DMD: variants seen among roughly 807,000 people sequenced by gnomAD.
DMD encodes the protein dystrophin, also known as mutant dystrophin.
In DMD, 63 loss-of-function variants were observed where a neutral mutation model predicts 330.1. The observed-to-expected ratio is 0.19, with a 90% confidence interval of 0.16 to 0.24. DMD has a LOEUF of 0.24. Ranked by LOEUF, DMD falls within the 10% of genes least tolerant of loss-of-function variation. The probability of loss-of-function intolerance (pLI) is 1.00; values close to 1 mark genes in which losing one functional copy is unlikely to be tolerated. For missense variants in DMD, 3,344 were observed against 2,684.1 expected (o/e 1.25, Z -5.43); for synonymous variants, 1,223 against 959.8 (o/e 1.27, Z -5.07).
Position 31,341,279 on chromosome X carries a change from G to A in DMD, c.9163+7277C>T, listed in dbSNP as rs752968112. On this transcript the variant is annotated intron_variant, in intron 61 of 78. Coordinates refer to ENST00000357033, the MANE Select transcript of DMD (RefSeq NM_004006.3). Reference sequence around the variant, plus strand: ...TGAAATAATACAGCCATATTTCACCGAATTCAATATCCCATTGGTCGTATG... The same window carrying A: ...TGAAATAATACAGCCATATTTCACCAAATTCAATATCCCATTGGTCGTATG... 1.3e-4 allele frequency among the ~76,000 whole-genome samples: 14 copies of A among 111,917 alleles called. No homozygotes were observed. The Admixed American group carries it at 1.3e-3, about 11-fold the overall frequency.
chrX:33,274,131 C>T (rs1158047496), intron 1 of DMD, among the ~76,000 whole-genome samples: 2 of 111,879 alleles, frequency 1.8e-5, no homozygotes, highest in African/African-American at 6.5e-5. Flanking sequence ...TGTCATCTCC[C>T]TATTACTGGA....
intron 55 of DMD, among the ~76,000 whole-genome samples, chrX:31,612,247 G>A (rs1435179643): frequency 9.0e-6 from 1 of 111,308 alleles, no homozygotes; most frequent in African/African-American, 3.3e-5. Context: ...TTTTGTGTCT[G>A]GTTTATTTCA....
At chrX:31,801,580 TCCC>T (rs761209143) in intron 50 of DMD, among the ~76,000 whole-genome samples, 1 of 64,660 alleles carries the variant, frequency 1.5e-5, no homozygotes, top group Non-Finnish European at 3.0e-5. Context: ...AGTGTCCTCA[TCCC>T]CCCCCCCCAA....
At chrX:32,716,363 C>A (rs1020010772) in intron 7 of DMD, among the ~76,000 whole-genome samples, 29 of 110,497 alleles carry the variant, frequency 2.6e-4, no homozygotes, top group Non-Finnish European at 4.7e-4. Flanking sequence ...GCTTTCTCCT[C>A]CTTCTCTGGC....
intron 44 of DMD, among the ~76,000 whole-genome samples, chrX:32,205,037 A>ACACACACC (rs1569550753): frequency 4.6e-5 from 4 of 87,344 alleles, no homozygotes; most frequent in Admixed American, 2.6e-4. Context: ...ACACACACAC[A>ACACACACC]CACACCCACA....
At chrX:32,436,785 CCA>C in intron 29 of DMD, among the ~76,000 whole-genome samples, 1 of 108,471 alleles carries the variant, frequency 9.2e-6, no homozygotes, top group Non-Finnish European at 1.9e-5. Context: ...AACAACATTT[CCA>C]CACACACACA....
In DMD at chrX:32,380,557, C is replaced by A; in HGVS notation, c.4798G>T (p.Val1600Phe). ...TDMELTKRSA[V>F]EGMPSNLDSE... ...TCCAAATTACTAGGCATTCCTTCAA[C>A]TGCTGATCTCTTTGTCAATTCCATA... Residue 1600 changes from valine to phenylalanine, a missense_variant, in exon 34 of 79, where the codon GTT becomes TTT. Coordinates refer to ENST00000357033, the MANE Select transcript of DMD (RefSeq NM_004006.3). 1 of 1,210,781 alleles carries A rather than the reference C, an allele frequency of 8.3e-7. No individual in the cohort carries two copies. The highest frequency in any genetic ancestry group is 1.1e-6 in the Non-Finnish European group (1 of 894,950).
chrX:32,216,839 C>T, intron 44 of DMD, 77 bp downstream of exon 44: 2 of 966,886 alleles, frequency 2.1e-6, no homozygotes, highest in Non-Finnish European at 2.9e-6. Flanking sequence ...CCCTTCAGAA[C>T]CTGATCTTTA....
chrX:32,281,950 C>T (rs1161360407), intron 43 of DMD, among the ~76,000 whole-genome samples: 1 of 111,652 alleles, frequency 9.0e-6, no homozygotes, highest in Non-Finnish European at 1.9e-5. Flanking sequence ...GGTAAGTCAA[C>T]CCAACATATC....
intron 77 of DMD, among the ~76,000 whole-genome samples, chrX:31,132,060 C>T (rs912095060): frequency 2.1e-4 from 23 of 111,756 alleles, no homozygotes; most frequent in African/African-American, 7.2e-4. Flanking sequence ...CTGAGTAAGC[C>T]GGAACTTAAG....
intron 1 of DMD, among the ~76,000 whole-genome samples, chrX:33,217,845 C>T (rs1235746216): frequency 1.8e-5 from 2 of 110,748 alleles, no homozygotes; most frequent in African/African-American, 6.6e-5. Flanking sequence ...TGTAGAATAC[C>T]TGGGATTTTA....
chrX:32,108,523 A>G (rs1369443593), intron 44 of DMD, among the ~76,000 whole-genome samples: 1 of 111,925 alleles, frequency 8.9e-6, no homozygotes, highest in African/African-American at 3.2e-5. Context: ...CCTTTTCCTG[A>G]GGACATGTGA....
chrX:32,951,234 AG>A (rs2091229115), intron 2 of DMD, among the ~76,000 whole-genome samples: 1 of 111,853 alleles, frequency 8.9e-6, no homozygotes, highest in Non-Finnish European at 1.9e-5. Context: ...GCCTTCCTTC[AG>A]GCCACATTTC....
At chrX:31,562,992 C>T (rs1362958356) in intron 55 of DMD, among the ~76,000 whole-genome samples, 1 of 112,201 alleles carries the variant, frequency 8.9e-6, no homozygotes, top group Non-Finnish European at 1.9e-5. Context: ...AATAAAACAC[C>T]TTTATTCCTT....
intron 2 of DMD, among the ~76,000 whole-genome samples, chrX:32,969,602 A>G (rs150572512): frequency 0.019 from 1,777 of 94,481 alleles, 431 homozygotes; most frequent in African/African-American, 0.081. Context: ...TTTATTTATT[A>G]TGTATGTATT....
intron 63 of DMD, among the ~76,000 whole-genome samples, chrX:31,226,395 G>A (rs926871564): frequency 5.4e-5 from 6 of 111,370 alleles, no homozygotes; most frequent in African/African-American, 2.0e-4. Context: ...TCCCCTCTGG[G>A]ATATATTTGT....
rs1351414635 is a variant in DMD, at chrX:32,459,120, T to C, written c.3433-4288A>G. Among the ~76,000 whole-genome samples the C allele has an allele frequency of 2.6e-4, 29 of 110,995 alleles. No homozygotes were observed. In the Admixed American group the frequency reaches 2.8e-3, roughly 11 times the overall value. ...TGGGCCTATAGTTAAAAATACTGTA[T>C]TGTTAAAAATATTCCAAGAGGATAG... is the stretch of plus-strand genomic sequence containing the variant. On this transcript the variant is annotated intron_variant, in intron 25 of 78. Coordinates refer to ENST00000357033, the MANE Select transcript of DMD (RefSeq NM_004006.3).
At chrX:31,924,448 GATACATATT>G (rs1426789211) in intron 47 of DMD, among the ~76,000 whole-genome samples, 3 of 111,947 alleles carry the variant, frequency 2.7e-5, no homozygotes, top group Non-Finnish European at 5.6e-5. Flanking sequence ...TTACTCCTCA[GATACATATT>G]TAGAAGCAAC....
intron 44 of DMD, among the ~76,000 whole-genome samples, chrX:32,060,207 C>A (rs1017102556): frequency 3.6e-5 from 4 of 111,428 alleles, no homozygotes; most frequent in African/African-American, 1.3e-4. Flanking sequence ...ACTGTAAATT[C>A]TTTGTTGCAT....
Sources: gnomAD v4.1 joint callset for allele counts (sites outside exome capture counted in the v4.1 genomes callset) on GRCh38, gnomAD v4.1.1 for gene constraint, MANE v1.5 for transcripts, NCBI Gene and HGNC (gene_info 2026-07-23, HGNC 2026-07-21) for gene names.